The following SHC2 variants were observed in gnomAD, a reference collection of about 807,000 sequenced individuals.
SHC2 encodes SHC-transforming protein 2.
A neutral mutation model predicts 60.6 loss-of-function variants in SHC2; 62 were observed. The ratio of observed to expected loss-of-function variants is 1.02; its 90% CI spans 0.83 to 1.26. The LOEUF is 1.26. SHC2 is among the 50% of genes most tolerant of loss of function. The pLI is 0.00. For synonymous variants in SHC2, 375 were observed against 372.4 expected, an observed-to-expected ratio of 1.01 and a Z score of -0.08; for missense variants, 873 against 822.2, an observed-to-expected ratio of 1.06 and a Z score of -0.76.
rs368559102 is a variant in SHC2 at position 441,983 on chromosome 19, T to G, written c.469-1051A>C. ...GGCTCTGCCCCTCTCCACGGCTCCATGTACCTGGAGCAGGGAGAGCAAGGA... is the reference window on the plus strand; with the variant it reads ...GGCTCTGCCCCTCTCCACGGCTCCAGGTACCTGGAGCAGGGAGAGCAAGGA... On this transcript the variant is annotated intron_variant, in intron 1 of 12. Transcript: ENST00000264554. The surrounding 1 kb of genome is among the most constrained non-coding windows in gnomAD (Gnocchi z 4.9). 2.8e-4 allele frequency among the ~76,000 whole-genome samples: 42 copies of G among 152,312 alleles called. No homozygotes were observed. Among genetic ancestry groups the G allele is most frequent in the East Asian group, 1.2e-3 (6 of 5,180 alleles).
Position 424,075 on chromosome 19 carries a change from TG to T in SHC2, c.1309+1021del, listed in dbSNP as rs1460255849. On this transcript the variant is annotated intron_variant, in intron 10 of 12. Coordinates refer to ENST00000264554, the MANE Select transcript of SHC2 (RefSeq NM_012435.3). This position sits in a 1 kb window ranked among gnomAD's most constrained non-coding sequence, Gnocchi z 4.5. ...AGGTGGTGGAGGAAAGGGAGAAATT[TG>T]CAGTTAGCTTGGGAGGCATCCTGAG... 1.3e-5 allele frequency among the ~76,000 whole-genome samples: 2 copies of T among 152,084 alleles called. No homozygotes were observed. The highest frequency in any genetic ancestry group is 2.4e-5 in the African/African-American group (1 of 41,422).
Position 436,160 on chromosome 19 carries a change from GT to G in SHC2, c.953+4del. On this transcript the variant is annotated splice_donor_region_variant and intron_variant, in intron 7 of 12. Transcript: ENST00000264554. ...CCAGGGCACGGGGGAGGCAGCTCTGGTTACCTTTCTGGGGGCAGCGCCACCT... is the reference window on the plus strand; with the variant it reads ...CCAGGGCACGGGGGAGGCAGCTCTGGTACCTTTCTGGGGGCAGCGCCACCT... 1 of 1,611,176 alleles carries G rather than the reference GT, an allele frequency of 6.2e-7. No homozygotes were observed. The highest frequency in any genetic ancestry group is 8.5e-7 in the Non-Finnish European group (1 of 1,179,274).
In SHC2 at chr19:430,825, C is replaced by T. The variant is rs184839060; in HGVS notation, c.1111-78G>A. On this transcript the variant is annotated intron_variant, in intron 8 of 12. Coordinates refer to ENST00000264554, the MANE Select transcript of SHC2 (RefSeq NM_012435.3). Reference sequence around the variant, plus strand: ...GCTCTGGACCCCCAGTCTCCCCGCCCGGCCCTCTTAGATGGCTGGAGACTT... The same window carrying T: ...GCTCTGGACCCCCAGTCTCCCCGCCTGGCCCTCTTAGATGGCTGGAGACTT... 2.4e-3 allele frequency: 3,287 copies of T among 1,382,248 alleles called. 9 individuals are homozygous for T. Among genetic ancestry groups the T allele is most frequent in the South Asian group, 8.5e-3 (683 of 80,800 alleles). 85.6% of individuals were successfully genotyped at this position (1,382,248 alleles called of 1,614,324 possible). A position where few individuals can be genotyped will look rare whatever the true frequency, so the allele number is the denominator to read the frequency against.
chr19:460,204 G>A (rs1360153997), intron 1 of SHC2, among the ~76,000 whole-genome samples: 3 of 152,164 alleles, frequency 2.0e-5, no homozygotes, highest in Non-Finnish European at 4.4e-5. Context: ...GGGGGGCTCC[G>A]GTGGCAGAGA....
Position 425,089 on chromosome 19 carries a change from C to T in SHC2, c.1309+8G>A. The T allele has an allele frequency of 7.2e-7, 1 of 1,388,658 alleles. No individual in the cohort carries two copies. The highest frequency in any genetic ancestry group is 9.4e-7 in the Non-Finnish European group (1 of 1,062,916). 86.0% of individuals were successfully genotyped at this position (1,388,658 alleles called of 1,614,324 possible). ...GCGATGACGGCCGCCCCCCAGGCTG[C>T]CACATACGCATGTCAAACAGATCCT... On this transcript the variant is annotated splice_region_variant and intron_variant, in intron 10 of 12. Coordinates refer to ENST00000264554, the MANE Select transcript of SHC2 (RefSeq NM_012435.3). This position sits in a 1 kb window ranked among gnomAD's most constrained non-coding sequence, Gnocchi z 4.1.
chr19:430,606 A>AG, intron 9 of SHC2, 78 bp downstream of exon 9: 7 of 1,130,964 alleles, frequency 6.2e-6, no homozygotes, highest in Non-Finnish European at 9.0e-6. Context: ...AGAAAGACTG[A>AG]GGGGGAGCCA....
Position 440,713 on chromosome 19 carries a change from G to C in SHC2, c.539+149C>G, listed in dbSNP as rs1008315596. On this transcript the variant is annotated intron_variant, in intron 2 of 12. Transcript: ENST00000264554. This position sits in a 1 kb window ranked among gnomAD's most constrained non-coding sequence, Gnocchi z 7.0. ...CGTGGGGACAGGGCGGAGACGTGGCGTGAAGTGGGAGGGAGGTGGGGGGCA... is the reference window on the plus strand; with the variant it reads ...CGTGGGGACAGGGCGGAGACGTGGCCTGAAGTGGGAGGGAGGTGGGGGGCA... The C allele has an allele frequency of 1.5e-6, 1 of 686,322 alleles. No homozygotes were observed. The highest frequency in any genetic ancestry group is 2.1e-5 in the Admixed American group (1 of 46,894). The allele number at this position is 686,322 out of a possible 1,614,324, so 42.5% of individuals were successfully genotyped here.
At chr19:458,688 G>A (rs554481774) in intron 1 of SHC2, among the ~76,000 whole-genome samples, 14 of 144,346 alleles carry the variant, frequency 9.7e-5, no homozygotes, top group South Asian at 4.5e-4. Flanking sequence ...AGGGGGAAGC[G>A]GGTTCCGGGG....
intron 4 of SHC2, among the ~76,000 whole-genome samples, chr19:437,343 C>T (rs950808378): frequency 6.6e-6 from 1 of 152,026 alleles, no homozygotes; most frequent in Non-Finnish European, 1.5e-5. Context: ...TGCTTGTTTG[C>T]ATGCTCATCT....
rs982525826 is a variant in SHC2, at chr19:446,938, G to A, written c.469-6006C>T. On this transcript the variant is annotated intron_variant, in intron 1 of 12. Coordinates refer to ENST00000264554, the MANE Select transcript of SHC2 (RefSeq NM_012435.3). This position sits in a 1 kb window ranked among gnomAD's most constrained non-coding sequence, Gnocchi z 5.4. ...CGTCCGAGTCTCCGCCACCGCCCAC[G>A]CCAGCCACCGGGACCCACCTCATAG... Among the ~76,000 whole-genome samples the A allele has an allele frequency of 1.3e-5, 2 of 152,060 alleles. No homozygotes were observed. The highest frequency in any genetic ancestry group is 2.4e-5 in the African/African-American group (1 of 41,406).
rs1568294887 is a variant in SHC2, at chr19:446,519, C to T, written c.469-5587G>A. Among the ~76,000 whole-genome samples, 2 of 152,018 alleles carry T rather than the reference C, an allele frequency of 1.3e-5. No homozygotes were observed. The highest frequency in any genetic ancestry group is 2.9e-5 in the Non-Finnish European group (2 of 68,012). On this transcript the variant is annotated intron_variant, in intron 1 of 12. Coordinates refer to ENST00000264554, the MANE Select transcript of SHC2 (RefSeq NM_012435.3). The surrounding 1 kb of genome is among the most constrained non-coding windows in gnomAD (Gnocchi z 5.4). ...AGAGACGGGGTTTCATCATATTGGC[C>T]TCGCTGGTCTCGATCTCTTGACCTT...
intron 8 of SHC2, among the ~76,000 whole-genome samples, 164 bp downstream of exon 8, chr19:434,545 T>A: frequency 3.1e-5 from 1 of 31,950 alleles, no homozygotes; most frequent in Admixed American, 3.4e-4. Context: ...AGATTGTGAG[T>A]CTGTGAGTAA....
Position 424,977 on chromosome 19 carries a change from A to G in SHC2, c.1309+120T>C. 2.7e-6 allele frequency: 3 copies of G among 1,114,814 alleles called. No homozygotes were observed. In the Admixed American group the frequency reaches 9.3e-5, roughly 34 times the overall value. The allele number at this position is 1,114,814 out of a possible 1,614,324, so 69.1% of individuals were successfully genotyped here. ...CGTCGACTTGAAGGATCTCACGGGG[A>G]GAAGGGAGCCTCCCCCATCAGACCA... On this transcript the variant is annotated intron_variant, in intron 10 of 12. Coordinates refer to ENST00000264554, the MANE Select transcript of SHC2 (RefSeq NM_012435.3). The surrounding 1 kb of genome is among the most constrained non-coding windows in gnomAD (Gnocchi z 4.5).
chr19:456,559 C>T (rs543784052), intron 1 of SHC2, among the ~76,000 whole-genome samples: 35 of 152,266 alleles, frequency 2.3e-4, no homozygotes, highest in African/African-American at 7.9e-4. Flanking sequence ...CTGCGCCACC[C>T]CCTACTTAAA....
chr19:448,396 G>A (rs545917346), intron 1 of SHC2, among the ~76,000 whole-genome samples: 5 of 152,276 alleles, frequency 3.3e-5, no homozygotes, highest in African/African-American at 1.2e-4. Context: ...CCGGCGTCCC[G>A]GGCTTGTGGC....
chr19:438,817 C>CTT lies in SHC2; in HGVS notation c.620_621insAA (p.Val209ProfsTer13), dbSNP rs1974781431. ...GAAGGTTGCTCTTGCCCAGGACGGA[C>CTT]GCCAGGGCCTTGTTGGGGGCCTGAG... On this transcript the variant is annotated frameshift_variant, in exon 4 of 13. Transcript: ENST00000264554. LOFTEE classifies it high-confidence loss of function. This position sits in a 1 kb window ranked among gnomAD's most constrained non-coding sequence, Gnocchi z 5.0. The CTT allele has an allele frequency of 1.3e-6, 2 of 1,571,048 alleles. No homozygotes were observed.
At chr19:436,013 A>T (rs1974706781) in intron 7 of SHC2, 152 bp downstream of exon 7, 1 of 810,474 alleles carries the variant, frequency 1.2e-6, no homozygotes, top group African/African-American at 1.7e-5. Flanking sequence ...CCGAGGAAAC[A>T]GGATCCTCTG....
Position 438,916 on chromosome 19 carries a change from C to CCA in SHC2, c.600+52_600+53dup. 4 of 1,558,324 alleles carry CCA rather than the reference C, an allele frequency of 2.6e-6. No individual in the cohort carries two copies. Among genetic ancestry groups the CCA allele is most frequent in the Non-Finnish European group, 3.5e-6 (4 of 1,149,924 alleles). ...GGCTCCCAGGATGGCCGCAGCGTCC[C>CCA]CACAGCCCCCGACTGCCCCACCAGC... On this transcript the variant is annotated intron_variant, in intron 3 of 12. Transcript: ENST00000264554. The surrounding 1 kb of genome is among the most constrained non-coding windows in gnomAD (Gnocchi z 5.0).
rs1975539504 is a variant in SHC2 at position 460,971 on chromosome 19, GCGCGCCCGCCCGGACCCTGCGTCATGGC to G, written c.-3_25del. 2 of 979,962 alleles carry G rather than the reference GCGCGCCCGCCCGGACCCTGCGTCATGGC, an allele frequency of 2.0e-6. No individual in the cohort carries two copies. Among genetic ancestry groups the G allele is most frequent in the South Asian group, 4.6e-5 (1 of 21,942 alleles). The allele number at this position is 979,962 out of a possible 1,614,324, so 60.7% of individuals were successfully genotyped here. A position where few individuals can be genotyped will look rare whatever the true frequency, so the allele number is the denominator to read the frequency against. On this transcript the variant is annotated start_lost and 5_prime_UTR_variant, in exon 1 of 13. Coordinates refer to ENST00000264554, the MANE Select transcript of SHC2 (RefSeq NM_012435.3). ...GGGGGGCGCGGGGGGCGCCGGGGGC[GCGCGCCCGCCCGGACCCTGCGTCATGGC>G]CGCGGCCGCCCGACGGAGCCCGACC... is the stretch of plus-strand genomic sequence containing the variant.
Sources: gnomAD v4.1 joint callset for allele counts (sites outside exome capture counted in the v4.1 genomes callset) on GRCh38, gnomAD v4.1.1 for gene constraint, Gnocchi (gnomAD v3.1) non-coding constraint, MANE v1.5 for transcripts, NCBI Gene and HGNC (gene_info 2026-07-23, HGNC 2026-07-21) for gene names.